CAB39: variants seen among roughly 807,000 people sequenced by gnomAD.
CAB39 encodes the protein calcium-binding protein 39.
Under a neutral mutation model 40.0 loss-of-function variants are expected in CAB39, and 8 were observed. The ratio of observed to expected loss-of-function variants is 0.20; its 90% CI spans 0.12 to 0.36. CAB39 has a LOEUF of 0.36. Among genes scored for constraint, CAB39 ranks in the 10% least tolerant of loss-of-function variants. The pLI, the probability that CAB39 is intolerant of heterozygous loss-of-function variation, is 1.00. For synonymous variants in CAB39, 156 were observed against 141.6 expected (o/e 1.10, Z -0.72); for missense variants, 270 against 401.1 (o/e 0.67, Z 2.79).
intron 1 of CAB39, among the ~76,000 whole-genome samples, chr2:230,757,645 C>T (rs952069968): frequency 1.3e-5 from 2 of 152,198 alleles, no homozygotes; most frequent in Non-Finnish European, 2.9e-5. Flanking sequence ...CTGAAAATAT[C>T]TCTGTTGCAT....
intron 7 of CAB39, among the ~76,000 whole-genome samples, chr2:230,814,882 T>C (rs1422751618): frequency 6.6e-6 from 1 of 152,178 alleles, no homozygotes; most frequent in African/African-American, 2.4e-5. Flanking sequence ...ACAGGAGATA[T>C]AGATGAAATC....
intron 5 of CAB39, among the ~76,000 whole-genome samples, chr2:230,804,840 G>A (rs925571013): frequency 2.0e-5 from 3 of 152,188 alleles, no homozygotes; most frequent in African/African-American, 7.2e-5. Context: ...ACAGTGTGGC[G>A]ATTCCTGAAG....
intron 1 of CAB39, among the ~76,000 whole-genome samples, chr2:230,720,712 G>A (rs114509688): frequency 1.9e-4 from 29 of 152,148 alleles, no homozygotes; most frequent in Non-Finnish European, 1.3e-4. Context: ...GAGCCACCGC[G>A]CCAGGCTTAA....
intron 1 of CAB39, among the ~76,000 whole-genome samples, chr2:230,726,998 T>C (rs986840281): frequency 9.9e-5 from 15 of 151,110 alleles, no homozygotes; most frequent in African/African-American, 3.7e-4. Flanking sequence ...TTTGTTATCA[T>C]TGAGAAGAGG....
chr2:230,729,842 A>G (rs371235008), intron 1 of CAB39, among the ~76,000 whole-genome samples: 1 of 152,180 alleles, frequency 6.6e-6, no homozygotes. Context: ...CGAAAACCTC[A>G]TTCATTATAG....
At chr2:230,782,615 C>G (rs941602921) in intron 2 of CAB39, among the ~76,000 whole-genome samples, 1 of 152,050 alleles carries the variant, frequency 6.6e-6, no homozygotes, top group Non-Finnish European at 1.5e-5. Context: ...AGAGTATTTT[C>G]TCTGTGAGAC....
At chr2:230,773,181 A>G (rs547458108) in intron 2 of CAB39, among the ~76,000 whole-genome samples, 16 of 152,202 alleles carry the variant, frequency 1.1e-4, no homozygotes, top group African/African-American at 3.9e-4. Flanking sequence ...AAAGATGTTT[A>G]GGGGAAGGGT....
At chr2:230,789,830 C>T (rs576763457) in intron 2 of CAB39, among the ~76,000 whole-genome samples, 9 of 152,196 alleles carry the variant, frequency 5.9e-5, no homozygotes, top group African/African-American at 2.2e-4. Context: ...CTGGCTCCCC[C>T]GTCCTGGTGC....
At chr2:230,730,746 G>C (rs1417557457) in intron 1 of CAB39, among the ~76,000 whole-genome samples, 1 of 152,024 alleles carries the variant, frequency 6.6e-6, no homozygotes, top group African/African-American at 2.4e-5. Flanking sequence ...GCCCGGCCAA[G>C]AAAACTTATA....
intron 6 of CAB39, among the ~76,000 whole-genome samples, chr2:230,811,480 C>T (rs1361628229): frequency 2.6e-5 from 4 of 152,174 alleles, no homozygotes; most frequent in African/African-American, 9.7e-5. Context: ...ATGTTCATTG[C>T]TTTAAAATGG....
chr2:230,776,511 T>A (rs2124938719), intron 2 of CAB39, among the ~76,000 whole-genome samples: 1 of 152,334 alleles, frequency 6.6e-6, no homozygotes, highest in African/African-American at 2.4e-5. Context: ...CTATACATTT[T>A]ATTACTTCAA....
intron 1 of CAB39, among the ~76,000 whole-genome samples, chr2:230,756,658 TTTGTTTATTTA>T (rs1264817578): frequency 8.5e-5 from 8 of 93,928 alleles, no homozygotes; most frequent in African/African-American, 4.8e-4. Context: ...TTTCTAACTG[TTTGTTTATTTA>T]TTTATTTATT....
At chr2:230,738,295 C>T (rs1694821394) in intron 1 of CAB39, among the ~76,000 whole-genome samples, 1 of 152,212 alleles carries the variant, frequency 6.6e-6, no homozygotes, top group Admixed American at 6.5e-5. Context: ...CCATTTAGTT[C>T]TCATCTTTTG....
At chr2:230,745,859 T>TCA (rs1694963896) in intron 1 of CAB39, among the ~76,000 whole-genome samples, 1 of 152,090 alleles carries the variant, frequency 6.6e-6, no homozygotes, top group Non-Finnish European at 1.5e-5. Context: ...TCCCCTGACC[T>TCA]TGTGATCCGC....
At chr2:230,815,573 C>T (rs1696385721) in intron 7 of CAB39, among the ~76,000 whole-genome samples, 2 of 152,138 alleles carry the variant, frequency 1.3e-5, no homozygotes, top group South Asian at 4.1e-4. Flanking sequence ...CTTCTAGGGC[C>T]ATTGTGGGAG....
At chr2:230,810,754 C>A (rs766545554) in intron 6 of CAB39, among the ~76,000 whole-genome samples, 1 of 152,366 alleles carries the variant, frequency 6.6e-6, no homozygotes, top group Middle Eastern at 3.4e-3. Flanking sequence ...CTCTACTGCT[C>A]ACTCCTTTGT....
intron 1 of CAB39, among the ~76,000 whole-genome samples, chr2:230,745,463 T>G (rs972247598): frequency 6.6e-6 from 1 of 152,224 alleles, no homozygotes; most frequent in African/African-American, 2.4e-5. Flanking sequence ...AGACCTATGC[T>G]TGCACTCCGG....
At chr2:230,778,007 G>T (rs1417770102) in intron 2 of CAB39, among the ~76,000 whole-genome samples, 1 of 152,168 alleles carries the variant, frequency 6.6e-6, no homozygotes, top group Non-Finnish European at 1.5e-5. Flanking sequence ...GTATCTAAAA[G>T]CCTTTGCCTC....
At chr2:230,810,225 G>T in intron 5 of CAB39, 38 bp from the exon 6 acceptor site, 2 of 949,034 alleles carry the variant, frequency 2.1e-6, no homozygotes, top group Non-Finnish European at 1.6e-6. Flanking sequence ...TTGAAAACTT[G>T]GAGAACAACT....
Sources: gnomAD v4.1 joint callset for allele counts (sites outside exome capture counted in the v4.1 genomes callset) on GRCh38, gnomAD v4.1.1 for gene constraint, MANE v1.5 for transcripts, NCBI Gene and HGNC (gene_info 2026-07-23, HGNC 2026-07-21) for gene names.